MYO15A: variants seen among roughly 807,000 people sequenced by gnomAD.
MYO15A encodes unconventional myosin-XV.
In MYO15A, 308 loss-of-function variants were observed where a neutral mutation model predicts 394.6. The observed-to-expected ratio is 0.78, with a 90% CI of 0.71 to 0.86. The LOEUF (loss-of-function observed/expected upper bound fraction) is 0.86. Among genes scored for constraint, MYO15A ranks in the 40% least tolerant of loss-of-function variants. The pLI, the probability that MYO15A is intolerant of heterozygous loss-of-function variation, is 0.00. For synonymous variants in MYO15A, 1,957 were observed against 2,003.8 expected, an observed-to-expected ratio of 0.98 and a Z score of 0.62; for missense variants, 4,606 against 4,799.1, an observed-to-expected ratio of 0.96 and a Z score of 1.19.
At chr17:18,170,671 T>C (rs1004098775) in intron 62 of MYO15A, among the ~76,000 whole-genome samples, 4 of 152,088 alleles carry the variant, frequency 2.6e-5, no homozygotes, top group Non-Finnish European at 5.9e-5. Context: ...GCGCCTTGCC[T>C]AAAGCTCTTT....
At chr17:18,113,797 G>GACACACACACACAC (rs4025536) in intron 1 of MYO15A, among the ~76,000 whole-genome samples, 136 of 138,910 alleles carry the variant, frequency 9.8e-4, no homozygotes, top group African/African-American at 3.5e-3. Flanking sequence ...CACCTCCCCT[G>GACACACACACACAC]ACACACACAC....
chr17:18,144,655 A>G, intron 29 of MYO15A, 63 bp downstream of exon 29: 1 of 1,513,212 alleles, frequency 6.6e-7, no homozygotes, highest in Non-Finnish European at 9.1e-7. Flanking sequence ...CTGGGCCATG[A>G]GGCTCCCAGT....
In MYO15A at chr17:18,120,354, G is replaced by T. The variant is rs1198159441; in HGVS notation, c.1554G>T (p.Glu518Asp). ...GDADEEEDEE[E>D]LPPVSAVPYG... ...CGGACGAAGAAGAGGACGAGGAGGA[G>T]CTGCCCCCGGTTTCCGCTGTGCCCT... Residue 518 changes from glutamate to aspartate, a missense_variant, in exon 2 of 66, where the codon GAG (glutamate) becomes GAT (aspartate). Physicochemically the swap from Glu to Asp is conservative, Grantham distance 45 (BLOSUM62 2). This residue lies in a region of MYO15A where 1,830 missense variants were observed against 1,689.7 expected (regional missense o/e 1.08). Coordinates refer to ENST00000647165, the MANE Select transcript of MYO15A (RefSeq NM_016239.4). 6.2e-7 allele frequency: 1 copy of T among 1,612,200 alleles called. No individual in the cohort carries two copies. The highest frequency in any genetic ancestry group is 1.7e-5 in the Admixed American group (1 of 60,012).
At chr17:18,175,279 TC>T (rs1251185674) in intron 65 of MYO15A, among the ~76,000 whole-genome samples, 1 of 149,032 alleles carries the variant, frequency 6.7e-6, no homozygotes, top group Non-Finnish European at 1.5e-5. Flanking sequence ...TGGTCTTTCC[TC>T]CTCTAGACTA....
chr17:18,148,061 A>G lies in MYO15A; in HGVS notation c.6542A>G (p.Gln2181Arg), dbSNP rs2142360557. Residue 2181 changes from glutamine to arginine, a missense_variant, in exon 31 of 66, where the codon CAG becomes CGG. This residue lies in a region of MYO15A where 2,776 missense variants were observed against 3,109.3 expected (regional missense o/e 0.89). Transcript: ENST00000647165. This position sits in a 1 kb window ranked among gnomAD's most constrained non-coding sequence, Gnocchi z 4.8. ...TCTGATTATGGGCGGAATGGCTTCC[A>G]GGCTGTGTGTCAGCACCGCCTCATG... ...FVSDYGRNGF[Q>R]AVCQHRLMQA... The G allele has an allele frequency of 1.2e-6, 2 of 1,613,954 alleles. No homozygotes were observed. The highest frequency in any genetic ancestry group is 4.5e-5 in the East Asian group (2 of 44,880).
chr17:18,120,294 A>G lies in MYO15A; in HGVS notation c.1494A>G (p.Pro498=). ...AGGAGAAGCTGGAGGTGCCCCTGCC[A>G]CCCTCTCTGGACATTCCTCTCCCCT... ...FGKEKLEVPL[P]PSLDIPLPLG... is the part of the protein sequence containing the mutation. The change falls in exon 2 of 66, where the codon CCA becomes CCG. Residue 498 remains proline (P), a synonymous_variant. Coordinates refer to ENST00000647165, the MANE Select transcript of MYO15A (RefSeq NM_016239.4). The G allele has an allele frequency of 6.2e-7, 1 of 1,611,946 alleles. No homozygotes were observed. Among genetic ancestry groups the G allele is most frequent in the South Asian group, 1.1e-5 (1 of 91,080 alleles).
rs1450024092 is a variant in MYO15A, at chr17:18,137,642, A to C, written c.4838A>C (p.Gln1613Pro). 6.2e-7 allele frequency: 1 copy of C among 1,614,236 alleles called. No individual in the cohort carries two copies. The highest frequency in any genetic ancestry group is 8.5e-7 in the Non-Finnish European group (1 of 1,180,044). The part of the protein sequence containing the change: ...LCINYANENL[Q>P]YLFNKIVFQE... ...ATTAACTACGCAAACGAGAACCTTC[A>C]GTACCTTTTCAACAAGATCGTCTTC... The change falls in exon 16 of 66, where the codon CAG becomes CCG. Residue 1613 changes from glutamine (Q) to proline (P), a missense_variant. Coordinates refer to ENST00000647165, the MANE Select transcript of MYO15A (RefSeq NM_016239.4).
Position 18,167,631 on chromosome 17 carries a change from G to A in MYO15A, c.9990G>A (p.Pro3330=), listed in dbSNP as rs531327027. The part of the protein sequence containing the change: ...DYLKGLFSSV[P]ASRPSEQLLQ... The stretch of plus-strand genomic sequence containing the variant: ...TGAAGGGACTCTTCAGCAGTGTGCC[G>A]GCCAGCCGGCCCAGCGAGCAGCTGC... Residue 3330 remains proline (P), a synonymous_variant, in exon 62 of 66, where the codon CCG becomes CCA. Transcript: ENST00000647165. 33 of 1,603,834 alleles carry A rather than the reference G, an allele frequency of 2.1e-5. No individual in the cohort carries two copies. The highest frequency in any genetic ancestry group is 1.6e-4 in the Middle Eastern group (1 of 6,062).
chr17:18,179,586 A>G lies in MYO15A; in HGVS notation c.*716A>G, dbSNP rs2047060735. Reference sequence around the variant, plus strand: ...GAGTGGTACAAGGGAGAAGTTTGGGAAAAGCCTTCTTGGAAAATGGGACAT... The same window carrying G: ...GAGTGGTACAAGGGAGAAGTTTGGGGAAAGCCTTCTTGGAAAATGGGACAT... On this transcript the variant is annotated 3_prime_UTR_variant, in exon 66 of 66. Coordinates refer to ENST00000647165, the MANE Select transcript of MYO15A (RefSeq NM_016239.4). 6.5e-6 allele frequency: 1 copy of G among 152,810 alleles called. No individual in the cohort carries two copies. Among genetic ancestry groups the G allele is most frequent in the African/African-American group, 2.4e-5 (1 of 41,440 alleles). 9.5% of individuals were successfully genotyped at this position (152,810 alleles called of 1,614,324 possible).
At position 18,163,254 on chromosome 17, in the gene MYO15A, G is replaced by A. The variant is rs1172799835; in HGVS notation, c.9623G>A (p.Ser3208Asn). 4 of 1,614,080 alleles carry A rather than the reference G, an allele frequency of 2.5e-6. No homozygotes were observed. The African/African-American group carries it at 5.3e-5, about 22-fold the overall frequency. Residue 3208 changes from serine (S) to asparagine (N), a missense_variant, in exon 59 of 66, where the codon AGT (serine) becomes AAT (asparagine). By Grantham distance (46) the Ser-to-Asn change is conservative. This residue lies in a region of MYO15A where 2,776 missense variants were observed against 3,109.3 expected (regional missense o/e 0.89). Coordinates refer to ENST00000647165, the MANE Select transcript of MYO15A (RefSeq NM_016239.4). ...IELRAMLAGR[S>N]SKRQLFLLPG... ...ACCTATCTACCCCAGGCAGGCCGCA[G>A]TTCCAAGAGGCAACTCTTTCTTCTT...
intron 13 of MYO15A, 91 bp downstream of exon 13, chr17:18,135,915 C>A: frequency 8.5e-7 from 1 of 1,178,006 alleles, no homozygotes; most frequent in Non-Finnish European, 1.2e-6. Flanking sequence ...GCAGCCTCTC[C>A]CTCTCTCCTG....
chr17:18,150,947 T>C lies in MYO15A; in HGVS notation c.7473+34T>C, dbSNP rs1567652622. 6.2e-7 allele frequency: 1 copy of C among 1,610,332 alleles called. No homozygotes were observed. On this transcript the variant is annotated intron_variant, in intron 38 of 65. Coordinates refer to ENST00000647165, the MANE Select transcript of MYO15A (RefSeq NM_016239.4). The surrounding 1 kb of genome is among the most constrained non-coding windows in gnomAD (Gnocchi z 4.4). ...GGCCTGCCCAGGGTGCAGGGGTTGC[T>C]TGGAGACACAAGCTGTAAAGAGGAA...
rs780787799 is a variant in MYO15A, at chr17:18,141,664, T to C, written c.5543T>C (p.Leu1848Pro). The change falls in exon 23 of 66, where the codon CTA (leucine) becomes CCA (proline). Residue 1848 changes from leucine to proline, a missense_variant. Leu to Pro is a moderately conservative substitution (Grantham distance 98). Coordinates refer to ENST00000647165, the MANE Select transcript of MYO15A (RefSeq NM_016239.4). ...GGGCCCCCTACCAGGTACTGCTGTC[T>C]AGTGGCCCTCAAGCATGACCTGCCG... ...FQGFIDRYCC[L>P]VALKHDLPAN... 6 of 1,613,900 alleles carry C rather than the reference T, an allele frequency of 3.7e-6. No individual in the cohort carries two copies. Among genetic ancestry groups the C allele is most frequent in the Non-Finnish European group, 5.1e-6 (6 of 1,179,994 alleles).
In MYO15A at chr17:18,153,915, G is replaced by C; in HGVS notation, c.8088+19G>C. On this transcript the variant is annotated intron_variant, in intron 43 of 65. Coordinates refer to ENST00000647165, the MANE Select transcript of MYO15A (RefSeq NM_016239.4). The surrounding 1 kb of genome is among the most constrained non-coding windows in gnomAD (Gnocchi z 4.1). ...CAAAGAGGTGCCGAGCACAGCCGTA[G>C]CCAGGGGAGGGGCTGAAGCGGGGCA... 2.5e-6 allele frequency: 4 copies of C among 1,613,480 alleles called. No homozygotes were observed. Among genetic ancestry groups the C allele is most frequent in the African/African-American group, 1.3e-5 (1 of 75,048 alleles).
intron 42 of MYO15A, 103 bp downstream of exon 42, chr17:18,152,287 A>T: frequency 8.7e-7 from 1 of 1,152,244 alleles, no homozygotes. Context: ...TATGTCCCTG[A>T]GCCCCTGTGT....
rs193201956 is a variant in MYO15A, at chr17:18,163,241, C to A, written c.9613-3C>A. 6.2e-7 allele frequency: 1 copy of A among 1,614,168 alleles called. No homozygotes were observed. The highest frequency in any genetic ancestry group is 2.2e-5 in the East Asian group (1 of 44,884). Reference sequence around the variant, plus strand: ...TCATCCCTCTCCCACCTATCTACCCCAGGCAGGCCGCAGTTCCAAGAGGCA... The same window carrying A: ...TCATCCCTCTCCCACCTATCTACCCAAGGCAGGCCGCAGTTCCAAGAGGCA... On this transcript the variant is annotated splice_region_variant and splice_polypyrimidine_tract_variant and intron_variant, in intron 58 of 65. Coordinates refer to ENST00000647165, the MANE Select transcript of MYO15A (RefSeq NM_016239.4).
intron 64 of MYO15A, 179 bp downstream of exon 64, chr17:18,172,469 T>A: frequency 9.9e-7 from 1 of 1,011,104 alleles, no homozygotes; most frequent in Non-Finnish European, 1.5e-6. Flanking sequence ...AAAATGAGGA[T>A]AAGAGTTGAG....
chr17:18,163,130 C>T (rs1360840480), intron 58 of MYO15A, 114 bp from the exon 59 acceptor site: 3 of 1,130,086 alleles, frequency 2.7e-6, no homozygotes, highest in African/African-American at 1.5e-5. Context: ...CTCAAGTGTT[C>T]CTACACGTGC....
chr17:18,155,372 TG>T lies in MYO15A; in HGVS notation c.8400del (p.Arg2801GlyfsTer27), dbSNP rs771770133. 6.2e-7 allele frequency: 1 copy of T among 1,613,704 alleles called. No individual in the cohort carries two copies. Among genetic ancestry groups the T allele is most frequent in the Non-Finnish European group, 8.5e-7 (1 of 1,179,996 alleles). ...LAVSHVGIKLLRMVKGGQEAG... is the reference protein window; with the variant it reads ...LAVSHVGIKLXRMVKGGQEAG... ...GTGTCCCACGTGGGCATCAAACTCC[TG>T]AGGATGGTCAAGGGTGGCCAGGAGG... On this transcript the variant is annotated frameshift_variant, in exon 47 of 66. Transcript: ENST00000647165. LOFTEE classifies it high-confidence loss of function.
Sources: gnomAD v4.1 joint callset for allele counts (sites outside exome capture counted in the v4.1 genomes callset) on GRCh38, gnomAD v4.1.1 for gene constraint, gnomAD v4.1.1 regional missense constraint, Gnocchi (gnomAD v3.1) non-coding constraint, MANE v1.5 for transcripts, NCBI Gene and HGNC (gene_info 2026-07-23, HGNC 2026-07-21) for gene names.